The following ZBED4 variants were observed in gnomAD, a reference collection of about 807,000 sequenced individuals.
The protein encoded by ZBED4 is zinc finger BED-type containing 4.
In ZBED4, 4 loss-of-function variants were observed where a neutral mutation model predicts 15.5. The observed-to-expected ratio is 0.26, with a 90% confidence interval of 0.13 to 0.59. The LOEUF (loss-of-function observed/expected upper bound fraction) is 0.59, where lower values mean the gene tolerates loss of function less well. Among genes scored for constraint, ZBED4 ranks in the 20% least tolerant of loss-of-function variants. ZBED4 has a pLI of 0.90. For missense variants in ZBED4, 1,323 were observed against 1,461.8 expected (o/e 0.91, Z 1.55); for synonymous variants, 692 against 608.5 (o/e 1.14, Z -2.02).
In ZBED4 at chr22:49,885,351, G is replaced by A. The variant is rs1230356102; in HGVS notation, c.1689G>A (p.Leu563=). ...TTAATAGCAAAAAGACCTCGAAGCT[G>A]TGGAATCATTTTTCTATTTGCTCCG... The part of the protein sequence containing the change: ...FPVNSKKTSK[L]WNHFSICSAD... Residue 563 remains leucine, a synonymous_variant, in exon 2 of 2, where the codon CTG becomes CTA. Transcript: ENST00000216268. 6 of 1,588,900 alleles carry A rather than the reference G, an allele frequency of 3.8e-6. No individual in the cohort carries two copies. Among genetic ancestry groups the A allele is most frequent in the Admixed American group, 1.8e-5 (1 of 56,158 alleles).
chr22:49,877,886 G>A (rs919739419), intron 1 of ZBED4, among the ~76,000 whole-genome samples: 1 of 152,128 alleles, frequency 6.6e-6, no homozygotes, highest in Non-Finnish European at 1.5e-5. Flanking sequence ...AGATTCATCC[G>A]TGTTGCGTGT....
At chr22:49,876,913 T>C (rs990515943) in intron 1 of ZBED4, among the ~76,000 whole-genome samples, 1 of 152,226 alleles carries the variant, frequency 6.6e-6, no homozygotes, top group African/African-American at 2.4e-5. Context: ...TCGTTCCCAG[T>C]TGCTGGCCAA....
chr22:49,885,853 A>G lies in ZBED4; in HGVS notation c.2191A>G (p.Thr731Ala), dbSNP rs900043956. Residue 731 changes from threonine to alanine, a missense_variant, in exon 2 of 2, where the codon ACG becomes GCG. Thr to Ala is a moderately conservative substitution (Grantham distance 58, BLOSUM62 0). Around this residue, in one of 6 missense-constraint regions of ZBED4, gnomAD observed 89 missense variants for 129.8 expected, o/e 0.69. Transcript: ENST00000216268. ...KEAESGVIHF[T>A]SGIWMSNQTR... ...AGCTGAGAGTGGTGTGATCCACTTC[A>G]CGTCTGGAATATGGATGAGTAACCA... 1 of 1,447,670 alleles carries G rather than the reference A, an allele frequency of 6.9e-7. No homozygotes were observed. The highest frequency in any genetic ancestry group is 9.7e-7 in the Non-Finnish European group (1 of 1,029,862). 89.7% of individuals were successfully genotyped at this position (1,447,670 alleles called of 1,614,324 possible).
Position 49,883,851 on chromosome 22 carries a change from G to C in ZBED4, c.189G>C (p.Gly63=). The change falls in exon 2 of 2, where the codon GGG becomes GGC. Residue 63 remains glycine, a synonymous_variant. Transcript: ENST00000216268. ...DSGGERAGLG[G]TGCSCKPPGK... is the part of the protein sequence containing the mutation. ...GTGGGGAGCGAGCGGGCCTCGGTGG[G>C]ACGGGTTGCAGCTGCAAGCCCCCGG... 4 of 1,609,206 alleles carry C rather than the reference G, an allele frequency of 2.5e-6. No individual in the cohort carries two copies. Among genetic ancestry groups the C allele is most frequent in the Non-Finnish European group, 3.4e-6 (4 of 1,176,284 alleles).
At chr22:49,866,361 CTT>C (rs1437977988) in intron 1 of ZBED4, among the ~76,000 whole-genome samples, 2 of 151,936 alleles carry the variant, frequency 1.3e-5, no homozygotes, top group South Asian at 2.1e-4. Context: ...GTCCGTTTCT[CTT>C]GAGTCTTTTT....
intron 1 of ZBED4, among the ~76,000 whole-genome samples, chr22:49,855,255 G>C (rs2060270082): frequency 6.6e-6 from 1 of 152,146 alleles, no homozygotes; most frequent in Non-Finnish European, 1.5e-5. Context: ...AAGCTTCAGA[G>C]GCCCGGTCTT....
In ZBED4 at chr22:49,884,752, C is replaced by T. The variant is rs901349363; in HGVS notation, c.1090C>T (p.Pro364Ser). Reference sequence around the variant, plus strand: ...TCCCACTCTGCTGCCTTCCTTGCTGCCGCCGGAGGGGGAGCTCAGCTCTGT... The same window carrying T: ...TCCCACTCTGCTGCCTTCCTTGCTGTCGCCGGAGGGGGAGCTCAGCTCTGT... ...TPPTLLPSLL[P>S]PEGELSSVSS... is the part of the protein sequence containing the mutation. Residue 364 changes from proline to serine, a missense_variant, in exon 2 of 2, where the codon CCG (proline) becomes TCG (serine). Pro to Ser is a moderately conservative substitution (Grantham distance 74, BLOSUM62 -1). Transcript: ENST00000216268. 6.3e-6 allele frequency: 10 copies of T among 1,593,686 alleles called. No homozygotes were observed. The highest frequency in any genetic ancestry group is 8.6e-6 in the Non-Finnish European group (10 of 1,167,112).
At chr22:49,862,639 A>G (rs1027395595) in intron 1 of ZBED4, among the ~76,000 whole-genome samples, 6 of 120,382 alleles carry the variant, frequency 5.0e-5, no homozygotes, top group Non-Finnish European at 8.5e-5. Flanking sequence ...CTACTTCCTT[A>G]TTCTTTGTTG....
chr22:49,860,795 T>G (rs913051373), intron 1 of ZBED4, among the ~76,000 whole-genome samples: 1 of 151,888 alleles, frequency 6.6e-6, no homozygotes, highest in Non-Finnish European at 1.5e-5. Context: ...TTTTTTTTTT[T>G]TGAGACAGAG....
intron 1 of ZBED4, among the ~76,000 whole-genome samples, chr22:49,865,384 T>A (rs1252110558): frequency 6.6e-6 from 1 of 151,962 alleles, no homozygotes; most frequent in African/African-American, 2.4e-5. Flanking sequence ...GCGCAGTGGC[T>A]CACGCCTCTA....
rs2060419963 is a variant in ZBED4 at position 49,883,489 on chromosome 22, G to C, written c.-174G>C. 1.2e-6 allele frequency: 1 copy of C among 867,148 alleles called. No homozygotes were observed. The highest frequency in any genetic ancestry group is 2.4e-5 in the South Asian group (1 of 41,058). 53.7% of individuals were successfully genotyped at this position (867,148 alleles called of 1,614,324 possible). ...GCAGTGATCTATGCTGTAAGACCAT[G>C]AGTCACAGATTCTTTTTTTCAGTAC... On this transcript the variant is annotated 5_prime_UTR_variant, in exon 2 of 2. An upstream start codon of the reference 5' UTR is lost. Transcript: ENST00000216268.
Position 49,883,720 on chromosome 22 carries a change from A to G in ZBED4, c.58A>G (p.Ile20Val), listed in dbSNP as rs766365832. ...KEDGDFVSDKIKFKIEEEDDD... is the reference protein window; with the variant it reads ...KEDGDFVSDKVKFKIEEEDDD... ...GGACGGTGATTTCGTTTCTGATAAA[A>G]TAAAGTTTAAAATAGAAGAGGAAGA... The change falls in exon 2 of 2, where the codon ATA becomes GTA. Residue 20 changes from isoleucine to valine, a missense_variant. Physicochemically the swap from Ile to Val is conservative, Grantham distance 29. Around this residue, in one of 6 missense-constraint regions of ZBED4, gnomAD observed 380 missense variants for 413.7 expected, o/e 0.92. Coordinates refer to ENST00000216268, the MANE Select transcript of ZBED4 (RefSeq NM_014838.3). 2.5e-6 allele frequency: 4 copies of G among 1,607,798 alleles called. No homozygotes were observed. Among genetic ancestry groups the G allele is most frequent in the Non-Finnish European group, 2.6e-6 (3 of 1,175,382 alleles).
intron 1 of ZBED4, among the ~76,000 whole-genome samples, chr22:49,872,261 G>A (rs766713820): frequency 7.9e-5 from 12 of 152,186 alleles, no homozygotes; most frequent in Admixed American, 2.0e-4. Context: ...ACCAGGAGTA[G>A]ATTCCATCTC....
chr22:49,865,618 T>G (rs1172712489), intron 1 of ZBED4, among the ~76,000 whole-genome samples: 2 of 151,994 alleles, frequency 1.3e-5, no homozygotes, highest in East Asian at 3.8e-4. Flanking sequence ...GAGGGTGCAG[T>G]GAGCAGAGAT....
At chr22:49,868,809 G>A (rs1375450568) in intron 1 of ZBED4, among the ~76,000 whole-genome samples, 1 of 152,008 alleles carries the variant, frequency 6.6e-6, no homozygotes, top group Non-Finnish European at 1.5e-5. Context: ...CCCAGAGGTG[G>A]ATTGAAACGT....
Position 49,853,860 on chromosome 22 carries a change from T to C in ZBED4, c.-459T>C, listed in dbSNP as rs1388601858. 1.4e-5 allele frequency: 2 copies of C among 140,036 alleles called. No homozygotes were observed. The highest frequency in any genetic ancestry group is 5.2e-5 in the African/African-American group (2 of 38,730). 8.7% of individuals were successfully genotyped at this position (140,036 alleles called of 1,614,324 possible). A position where few individuals can be genotyped will look rare whatever the true frequency, so the allele number is the denominator to read the frequency against. On this transcript the variant is annotated 5_prime_UTR_variant, in exon 1 of 2. Transcript: ENST00000216268. The stretch of plus-strand genomic sequence containing the variant: ...GGGAGGGGCGCAGCGTCCGGCGGCG[T>C]CGCGGGCGGCGGGCGGCGGGGCCGC...
intron 1 of ZBED4, among the ~76,000 whole-genome samples, chr22:49,864,825 A>AG: frequency 6.9e-6 from 1 of 145,564 alleles, no homozygotes; most frequent in African/African-American, 2.8e-5. Context: ...GTCTCCAAAA[A>AG]AAAAAAAAAA....
intron 1 of ZBED4, among the ~76,000 whole-genome samples, chr22:49,854,471 G>A (rs2060266327): frequency 6.6e-6 from 1 of 152,248 alleles, no homozygotes; most frequent in Non-Finnish European, 1.5e-5. Context: ...TCCTTGCGAC[G>A]CGCCCCGAGG....
At position 49,865,535 on chromosome 22, in the gene ZBED4, T is replaced by C. The variant is rs985308932; in HGVS notation, c.-330+11546T>C. Among the ~76,000 whole-genome samples the C allele has an allele frequency of 6.0e-5, 9 of 151,176 alleles. 1 individual carries two copies. The highest frequency in any genetic ancestry group is 2.2e-4 in the African/African-American group (9 of 41,038). ...TAACCCGTCTCTATTAAAATACAGG[T>C]GTGGTGGCAGGCACCTGTAATCCCA... On this transcript the variant is annotated intron_variant, in intron 1 of 1. Transcript: ENST00000216268.
Sources: gnomAD v4.1 joint callset for allele counts (sites outside exome capture counted in the v4.1 genomes callset) on GRCh38, gnomAD v4.1.1 for gene constraint, gnomAD v4.1.1 regional missense constraint, MANE v1.5 for transcripts, NCBI Gene and HGNC (gene_info 2026-07-23, HGNC 2026-07-21) for gene names.